PDE4D: variants seen among roughly 807,000 people sequenced by gnomAD.
PDE4D encodes the protein 3',5'-cyclic-AMP phosphodiesterase 4D.
In PDE4D, 24 loss-of-function variants were observed where a neutral mutation model predicts 87.4. The observed-to-expected ratio is 0.27, with a 90% CI of 0.20 to 0.39. The LOEUF (loss-of-function observed/expected upper bound fraction) is 0.39. PDE4D is among the 10% of genes least tolerant of loss of function. The probability of loss-of-function intolerance (pLI) is 1.00; values close to 1 mark genes in which losing one functional copy is unlikely to be tolerated. For missense variants in PDE4D, 714 were observed against 1,041.0 expected, an observed-to-expected ratio of 0.69 and a Z score of 4.32; for synonymous variants, 384 against 383.2, an observed-to-expected ratio of 1.00 and a Z score of -0.02.
intron 2 of PDE4D, chr5:59,215,533 C>T (rs1278895850): frequency 3.0e-5 from 12 of 395,760 alleles, no homozygotes; most frequent in Non-Finnish European, 9.0e-6. Flanking sequence ...AAAGTATTTT[C>T]TGGGAAAATA....
intron 1 of PDE4D, among the ~76,000 whole-genome samples, chr5:59,634,079 T>G (rs917717597): frequency 6.6e-6 from 1 of 151,486 alleles, no homozygotes; most frequent in African/African-American, 2.4e-5. Flanking sequence ...AAAAAGGTGT[T>G]GTAATCCTAG....
At chr5:60,411,276 A>C (rs557881426) in intron 1 of PDE4D, among the ~76,000 whole-genome samples, 44 of 152,352 alleles carry the variant, frequency 2.9e-4, no homozygotes, top group Non-Finnish European at 4.0e-4. Flanking sequence ...GAAAATAGTT[A>C]CAACTGGTAG....
chr5:59,256,674 C>T (rs907377581), intron 1 of PDE4D, among the ~76,000 whole-genome samples: 3 of 152,004 alleles, frequency 2.0e-5, no homozygotes, highest in African/African-American at 7.2e-5. Flanking sequence ...TCCTCCTTTT[C>T]CTTCCCTCCA....
chr5:59,594,420 A>T (rs568966372), intron 1 of PDE4D, among the ~76,000 whole-genome samples: 1 of 151,926 alleles, frequency 6.6e-6, no homozygotes, highest in Non-Finnish European at 1.5e-5. Flanking sequence ...TCCCGGGTTC[A>T]AGCAATTCTC....
chr5:60,357,484 T>A (rs1253253097), intron 1 of PDE4D, among the ~76,000 whole-genome samples: 1 of 152,188 alleles, frequency 6.6e-6, no homozygotes. Context: ...AACTTTCTAT[T>A]AGCTACAATT....
chr5:60,290,273 A>C (rs180956221), intron 1 of PDE4D, among the ~76,000 whole-genome samples: 1 of 152,332 alleles, frequency 6.6e-6, no homozygotes, highest in African/African-American at 2.4e-5. Context: ...AGGAGGAATC[A>C]TCTGAGAAGT....
At chr5:59,642,544 G>C (rs1477463918) in intron 1 of PDE4D, among the ~76,000 whole-genome samples, 1 of 152,074 alleles carries the variant, frequency 6.6e-6, no homozygotes. Flanking sequence ...AAGATCTGAT[G>C]GTTTTATCAG....
At chr5:59,464,920 A>G (rs1232048158) in intron 1 of PDE4D, among the ~76,000 whole-genome samples, 1 of 152,242 alleles carries the variant, frequency 6.6e-6, no homozygotes, top group African/African-American at 2.4e-5. Flanking sequence ...ACAAATTTGA[A>G]TATGTATGGG....
intron 5 of PDE4D, among the ~76,000 whole-genome samples, chr5:59,121,175 CACACG>C (rs754157604): frequency 3.3e-5 from 5 of 152,092 alleles, no homozygotes; most frequent in Non-Finnish European, 5.9e-5. Context: ...AAGCACAGGC[CACACG>C]ACCAAAAATA....
At chr5:59,423,921 T>A (rs1321321329) in intron 1 of PDE4D, among the ~76,000 whole-genome samples, 1 of 151,574 alleles carries the variant, frequency 6.6e-6, no homozygotes, top group Non-Finnish European at 1.5e-5. Context: ...AGGAAGAGGA[T>A]GTTGATAGAA....
At chr5:59,021,952 G>C (rs1755237915) in intron 6 of PDE4D, among the ~76,000 whole-genome samples, 1 of 152,138 alleles carries the variant, frequency 6.6e-6, no homozygotes, top group Non-Finnish European at 1.5e-5. Flanking sequence ...CTCCCAGGCA[G>C]CCGGTCCTTC....
chr5:59,045,951 G>A (rs868141599), intron 5 of PDE4D, among the ~76,000 whole-genome samples: 1 of 152,146 alleles, frequency 6.6e-6, no homozygotes, highest in Non-Finnish European at 1.5e-5. Context: ...AAAATCCTAC[G>A]CAGACATATG....
intron 5 of PDE4D, among the ~76,000 whole-genome samples, chr5:59,158,143 A>G (rs73758112): frequency 0.011 from 1,666 of 152,266 alleles, 25 homozygotes; most frequent in African/African-American, 0.038. Context: ...TGCTAGTCCT[A>G]ATGATCTTTC....
chr5:60,452,779 G>A (rs1233547819), intron 1 of PDE4D, among the ~76,000 whole-genome samples: 1 of 152,042 alleles, frequency 6.6e-6, no homozygotes, highest in East Asian at 1.9e-4. Context: ...AGACAATAAA[G>A]CATCATAGCT....
chr5:59,810,437 G>A (rs1207716015), intron 1 of PDE4D, among the ~76,000 whole-genome samples: 1 of 152,180 alleles, frequency 6.6e-6, no homozygotes, highest in East Asian at 1.9e-4. Context: ...TTCCTTATGT[G>A]TTAAGTGCTG....
rs1561618064 is a variant in PDE4D at position 59,762,668 on chromosome 5, G to GTGTATATGTGTATATAGGTGCA, written c.455+130499_455+130500insTGCACCTATATACACATATACA. 5.7e-3 allele frequency among the ~76,000 whole-genome samples: 629 copies of GTGTATATGTGTATATAGGTGCA among 109,754 alleles called. 15 individuals carry two copies. Among genetic ancestry groups the GTGTATATGTGTATATAGGTGCA allele is most frequent in the African/African-American group, 0.021 (598 of 28,856 alleles). The allele number at this position is 109,754 out of a possible 152,430, so 72.0% of individuals were successfully genotyped here. On this transcript the variant is annotated intron_variant, in intron 1 of 14. Transcript: ENST00000340635. ...TATGTGTATATGTGTATATAGGTAC[G>GTGTATATGTGTATATAGGTGCA]TATGTGTATATGTGTATATAGGTTC...
intron 1 of PDE4D, among the ~76,000 whole-genome samples, chr5:59,274,728 T>C (rs986709425): frequency 6.6e-5 from 10 of 152,052 alleles, no homozygotes; most frequent in Admixed American, 2.6e-4. Flanking sequence ...AATAGAACAT[T>C]AGAATACATT....
chr5:60,073,386 C>T (rs765020514), intron 2 of PDE4D, among the ~76,000 whole-genome samples: 8 of 151,812 alleles, frequency 5.3e-5, no homozygotes, highest in Admixed American at 6.6e-5. Context: ...ATTAGTTTTT[C>T]GATGTGCTCC....
intron 5 of PDE4D, among the ~76,000 whole-genome samples, chr5:59,149,975 C>T (rs1045513857): frequency 1.3e-5 from 2 of 152,042 alleles, no homozygotes; most frequent in African/African-American, 4.8e-5. Flanking sequence ...CAAGAGGCCC[C>T]AGGCATTTCA....
Sources: allele counts gnomAD v4.1 joint callset (sites outside exome capture counted in the v4.1 genomes callset), GRCh38; gene constraint gnomAD v4.1.1; transcripts MANE v1.5; gene names NCBI Gene and HGNC (gene_info 2026-07-23, HGNC 2026-07-21).